CNTLN: variants seen among roughly 807,000 people sequenced by gnomAD.
CNTLN encodes centlein.
Under a neutral mutation model 180.0 loss-of-function variants are expected in CNTLN, and 212 were observed. The observed-to-expected ratio is 1.18, with a 90% CI of 1.05 to 1.32. CNTLN has a LOEUF of 1.32. Among genes scored for constraint, CNTLN ranks in the 40% most tolerant of loss-of-function variants. The pLI is 0.00. For synonymous variants in CNTLN, 722 were observed against 563.1 expected, an observed-to-expected ratio of 1.28 and a Z score of -3.99; for missense variants, 2,095 against 1,610.9, an observed-to-expected ratio of 1.30 and a Z score of -5.14.
At chr9:17,292,440 A>C (rs1587529084) in intron 6 of CNTLN, among the ~76,000 whole-genome samples, 1 of 152,116 alleles carries the variant, frequency 6.6e-6, no homozygotes, top group Non-Finnish European at 1.5e-5. Context: ...CAGGTATCCA[A>C]GTCAGTCATA....
chr9:17,169,023 C>G (rs1405124722), intron 2 of CNTLN, among the ~76,000 whole-genome samples: 1 of 152,136 alleles, frequency 6.6e-6, no homozygotes, highest in African/African-American at 2.4e-5. Context: ...TAAGTGACCG[C>G]ATCTTGCTTT....
At chr9:17,163,997 C>G (rs1164402305) in intron 2 of CNTLN, among the ~76,000 whole-genome samples, 1 of 151,074 alleles carries the variant, frequency 6.6e-6, no homozygotes, top group Non-Finnish European at 1.5e-5. Context: ...CCAGCCTGGG[C>G]AACAGAGCAA....
At chr9:17,197,833 C>T (rs1822236465) in intron 2 of CNTLN, among the ~76,000 whole-genome samples, 2 of 152,096 alleles carry the variant, frequency 1.3e-5, no homozygotes, top group African/African-American at 4.8e-5. Context: ...TGGAGAGTTC[C>T]CCCAATGTTT....
intron 16 of CNTLN, among the ~76,000 whole-genome samples, chr9:17,413,075 G>C (rs1190918848): frequency 6.6e-6 from 1 of 152,180 alleles, no homozygotes; most frequent in Non-Finnish European, 1.5e-5. Flanking sequence ...CCGTACACCC[G>C]CCATTATTAT....
intron 2 of CNTLN, among the ~76,000 whole-genome samples, chr9:17,146,157 C>T (rs1018475460): frequency 6.6e-6 from 1 of 152,096 alleles, no homozygotes. Flanking sequence ...TTTGGTGGGC[C>T]TTTCCATTTC....
chr9:17,269,231 AT>A lies in CNTLN; in HGVS notation c.850-4494del, dbSNP rs200734225. ...CTTCCAAATCCAACTCTTATTTAAAATTTTTTTTCTATTGTTTTGTTATTTA... is the reference window on the plus strand; with the variant it reads ...CTTCCAAATCCAACTCTTATTTAAAATTTTTTTCTATTGTTTTGTTATTTA... On this transcript the variant is annotated intron_variant, in intron 5 of 25. Transcript: ENST00000380647. Among the ~76,000 whole-genome samples the A allele has an allele frequency of 5.3e-3, 811 of 152,036 alleles. 5 individuals carry two copies. Among genetic ancestry groups the A allele is most frequent in the African/African-American group, 0.018 (740 of 41,468 alleles).
intron 6 of CNTLN, among the ~76,000 whole-genome samples, chr9:17,292,084 C>G (rs1228488634): frequency 6.6e-6 from 1 of 152,132 alleles, no homozygotes; most frequent in Non-Finnish European, 1.5e-5. Flanking sequence ...AAATGAAATT[C>G]AGGATTGGAA....
chr9:17,298,752 T>G, intron 7 of CNTLN: 1 of 988,792 alleles, frequency 1.0e-6, no homozygotes. Context: ...TCGGCAAATC[T>G]TCACAAATAC....
chr9:17,290,347 G>T (rs1829291977), intron 6 of CNTLN, among the ~76,000 whole-genome samples: 1 of 150,826 alleles, frequency 6.6e-6, no homozygotes, highest in Non-Finnish European at 1.5e-5. Context: ...GGACCCACTT[G>T]AGGAGGCAGT....
intron 18 of CNTLN, among the ~76,000 whole-genome samples, chr9:17,431,173 T>C (rs894305618): frequency 6.6e-6 from 1 of 152,162 alleles, no homozygotes; most frequent in African/African-American, 2.4e-5. Context: ...CCATCAATAG[T>C]GTATGAAAAT....
chr9:17,198,093 A>G (rs1355283762), intron 2 of CNTLN, among the ~76,000 whole-genome samples: 1 of 151,978 alleles, frequency 6.6e-6, no homozygotes, highest in Non-Finnish European at 1.5e-5. Context: ...CCATTGGTCT[A>G]TGTGTCTGTT....
At chr9:17,435,670 C>T (rs1587986247) in intron 18 of CNTLN, among the ~76,000 whole-genome samples, 1 of 151,766 alleles carries the variant, frequency 6.6e-6, no homozygotes, top group African/African-American at 2.4e-5. Flanking sequence ...TCAAGAGATT[C>T]TCCTGCTTCA....
In CNTLN at chr9:17,303,504, C is replaced by T. The variant is rs1053474756; in HGVS notation, c.1146+5152C>T. 3.3e-5 allele frequency among the ~76,000 whole-genome samples: 5 copies of T among 152,050 alleles called. No homozygotes were observed. The East Asian group carries it at 9.7e-4, about 29-fold the overall frequency. On this transcript the variant is annotated intron_variant, in intron 7 of 25. Transcript: ENST00000380647. ...TTTGGTTTCTTTTATCTTGCTATTA[C>T]ATCACACTTTTTAACTTTTTGAGCT...
chr9:17,406,441 TTGATGTCTTC>T (rs1827398024), intron 15 of CNTLN, among the ~76,000 whole-genome samples: 1 of 151,764 alleles, frequency 6.6e-6, no homozygotes, highest in South Asian at 2.1e-4. Context: ...GGATTTTAGT[TTGATGTCTTC>T]TGCCTGGAAT....
chr9:17,232,032 A>G (rs1363712652), intron 3 of CNTLN, among the ~76,000 whole-genome samples: 1 of 152,128 alleles, frequency 6.6e-6, no homozygotes, highest in Non-Finnish European at 1.5e-5. Flanking sequence ...CCAGGCTATT[A>G]AGAATTTACC....
chr9:17,170,394 A>G (rs1015357169), intron 2 of CNTLN, among the ~76,000 whole-genome samples: 7 of 151,812 alleles, frequency 4.6e-5, no homozygotes, highest in African/African-American at 1.7e-4. Context: ...TTTCTTGCTT[A>G]ATTGCTTTGG....
At chr9:17,188,922 A>G (rs2131789976) in intron 2 of CNTLN, among the ~76,000 whole-genome samples, 1 of 151,650 alleles carries the variant, frequency 6.6e-6, no homozygotes, top group East Asian at 1.9e-4. Flanking sequence ...ACTTCTTTGC[A>G]TACCTAATAA....
intron 5 of CNTLN, among the ~76,000 whole-genome samples, chr9:17,255,401 G>C (rs986102250): frequency 6.6e-6 from 1 of 151,714 alleles, no homozygotes; most frequent in African/African-American, 2.4e-5. Context: ...TCATGAAAGG[G>C]TGTTCAATCT....
intron 2 of CNTLN, among the ~76,000 whole-genome samples, chr9:17,211,430 C>G (rs1823301125): frequency 6.6e-6 from 1 of 152,060 alleles, no homozygotes; most frequent in African/African-American, 2.4e-5. Context: ...GTTTTGGTAC[C>G]AGTACCATGC....
Sources: gnomAD v4.1 joint callset for allele counts (sites outside exome capture counted in the v4.1 genomes callset) on GRCh38, gnomAD v4.1.1 for gene constraint, MANE v1.5 for transcripts, NCBI Gene and HGNC (gene_info 2026-07-23, HGNC 2026-07-21) for gene names.